Variants in ZNF254 observed in about 807,000 individuals in gnomAD.
ZNF254 encodes CTD-2017D11.1.
A neutral mutation model predicts 12.4 loss-of-function variants in ZNF254; 10 were observed. The observed-to-expected ratio is 0.80, with a 90% confidence interval of 0.50 to 1.36. The LOEUF (loss-of-function observed/expected upper bound fraction) is 1.36, where lower values mean the gene tolerates loss of function less well. Among genes scored for constraint, ZNF254 ranks in the 40% most tolerant of loss-of-function variants. The pLI is 0.00. For synonymous variants in ZNF254, 305 were observed against 253.4 expected (o/e 1.20, Z -1.93); for missense variants, 996 against 763.9 (o/e 1.30, Z -3.58).
chr19:24,120,703 C>T (rs1974418917), intron 3 of ZNF254, among the ~76,000 whole-genome samples: 2 of 151,934 alleles, frequency 1.3e-5, no homozygotes, highest in Middle Eastern at 3.2e-3. Flanking sequence ...TGCTCTGTCA[C>T]CCAGGCTGGA....
chr19:24,109,442 TA>T (rs1973530953), intron 3 of ZNF254, among the ~76,000 whole-genome samples: 1 of 152,186 alleles, frequency 6.6e-6, no homozygotes, highest in Non-Finnish European at 1.5e-5. Context: ...TCCAGTTCTA[TA>T]TTAGTGTGTT....
At chr19:24,095,726 T>A (rs950317419) in intron 1 of ZNF254, among the ~76,000 whole-genome samples, 2 of 152,154 alleles carry the variant, frequency 1.3e-5, no homozygotes, top group Admixed American at 6.5e-5. Context: ...TGGTAATGTC[T>A]CTTTTGTTAT....
At chr19:24,125,352 TG>T (rs1974761465) in intron 3 of ZNF254, among the ~76,000 whole-genome samples, 1 of 151,936 alleles carries the variant, frequency 6.6e-6, no homozygotes, top group African/African-American at 2.4e-5. Context: ...TAGTTGTTTC[TG>T]TTCCCATTTT....
At chr19:24,117,642 C>A (rs187579646) in intron 3 of ZNF254, among the ~76,000 whole-genome samples, 1 of 152,268 alleles carries the variant, frequency 6.6e-6, no homozygotes, top group African/African-American at 2.4e-5. Context: ...ACCCCTTGCA[C>A]TTCCTGAGTG....
In ZNF254 at chr19:24,055,232, A is replaced by AAAAAAAAAAAAAAAAAAAAAAAG. The variant is rs1555753129; in HGVS notation, c.-94+8953_-94+8954insAAAAAAAAAAAAAAAAAAAAAAG. 2.0e-4 allele frequency among the ~76,000 whole-genome samples: 25 copies of AAAAAAAAAAAAAAAAAAAAAAAG among 122,628 alleles called. 2 individuals are homozygous for AAAAAAAAAAAAAAAAAAAAAAAG. Among genetic ancestry groups the AAAAAAAAAAAAAAAAAAAAAAAG allele is most frequent in the Middle Eastern group, 5.6e-3 (1 of 178 alleles). 80.4% of individuals were successfully genotyped at this position (122,628 alleles called of 152,430 possible). A position where few individuals can be genotyped will look rare whatever the true frequency, so the allele number is the denominator to read the frequency against. On this transcript the variant is annotated intron_variant, in intron 2 of 4. Coordinates refer to the ZNF254 transcript ENST00000613065. ...AAAAAAAAAAAAAAAAAAAAAAAAA[A>AAAAAAAAAAAAAAAAAAAAAAAG]GAGTGTACTAACAAGACCCAGCACA... is the stretch of plus-strand genomic sequence containing the variant.
At chr19:24,103,063 A>T (rs537524982) in intron 1 of ZNF254, among the ~76,000 whole-genome samples, 1 of 152,202 alleles carries the variant, frequency 6.6e-6, no homozygotes, top group Non-Finnish European at 1.5e-5. Context: ...CTTAATAAAC[A>T]TTGCATTAAT....
chr19:24,113,978 G>A (rs1378646192), intron 3 of ZNF254, among the ~76,000 whole-genome samples: 4 of 152,078 alleles, frequency 2.6e-5, no homozygotes, highest in East Asian at 3.9e-4. Context: ...AAGGGATGTG[G>A]AGGACCTCTT....
intron 1 of ZNF254, among the ~76,000 whole-genome samples, chr19:24,100,024 A>G (rs1324617736): frequency 1.3e-5 from 2 of 152,202 alleles, no homozygotes; most frequent in Non-Finnish European, 1.5e-5. Context: ...TCTAAAGTGC[A>G]TGCTGTCACC....
At chr19:24,075,420 A>G (rs1420733766) in intron 2 of ZNF254, among the ~76,000 whole-genome samples, 1 of 152,194 alleles carries the variant, frequency 6.6e-6, no homozygotes, top group Admixed American at 6.5e-5. Context: ...TACAAAAGAA[A>G]TAAATTTTAC....
intron 2 of ZNF254, among the ~76,000 whole-genome samples, chr19:24,065,173 C>T (rs1046447806): frequency 1.3e-5 from 2 of 152,168 alleles, no homozygotes; most frequent in South Asian, 2.1e-4. Flanking sequence ...ATGAAACCCT[C>T]TACTTCTACC....
chr19:24,119,294 C>T (rs980065781), intron 3 of ZNF254, among the ~76,000 whole-genome samples: 17 of 151,838 alleles, frequency 1.1e-4, no homozygotes, highest in Admixed American at 3.3e-4. Flanking sequence ...TAGGTTCAAG[C>T]GATTCTCCTG....
intron 2 of ZNF254, among the ~76,000 whole-genome samples, chr19:24,059,623 A>G (rs1024514894): frequency 2.1e-4 from 9 of 42,818 alleles, no homozygotes; most frequent in Non-Finnish European, 3.4e-4. Flanking sequence ...AACCCTGCAT[A>G]CATTATGTAT....
At chr19:24,082,703 A>C (rs1180879578), upstream of ZNF254, among the ~76,000 whole-genome samples, 2 of 150,124 alleles carry the variant, frequency 1.3e-5, no homozygotes, top group Admixed American at 1.3e-4. Context: ...TCTCATTACA[A>C]AATGTATAAA....
chr19:24,058,491 A>G (rs1485702806), intron 2 of ZNF254, among the ~76,000 whole-genome samples: 3 of 150,416 alleles, frequency 2.0e-5, no homozygotes, highest in African/African-American at 7.3e-5. Flanking sequence ...GCTCAAGGCA[A>G]CCTCCGCCTC....
rs566886008 is a variant in ZNF254 at position 24,092,633 on chromosome 19, G to T, written c.30+5296G>T. Among the ~76,000 whole-genome samples, 17 of 151,964 alleles carry T rather than the reference G, an allele frequency of 1.1e-4. No homozygotes were observed. In the East Asian group the frequency reaches 2.1e-3, roughly 19 times the overall value. On this transcript the variant is annotated intron_variant, in intron 1 of 3. Coordinates refer to ENST00000357002, the MANE Select transcript of ZNF254 (RefSeq NM_203282.4). Reference sequence around the variant, plus strand: ...TGAGCTCAGGCAATCCACCTGCCTTGGCCTCTCAGAGTGCTGGGATTACAG... The same window carrying T: ...TGAGCTCAGGCAATCCACCTGCCTTTGCCTCTCAGAGTGCTGGGATTACAG...
chr19:24,087,101 G>A (rs1443033061), upstream of ZNF254: 6 of 558,202 alleles, frequency 1.1e-5, no homozygotes, highest in Non-Finnish European at 1.9e-5. Context: ...GGCCTTAAAC[G>A]TTATCCAACT....
intron 1 of ZNF254, among the ~76,000 whole-genome samples, chr19:24,045,457 C>T (rs867639620): frequency 2.0e-5 from 3 of 151,916 alleles, no homozygotes; most frequent in South Asian, 2.1e-4. Context: ...ATCACGAGGT[C>T]GGGAGATCGA....
At chr19:24,121,759 G>A (rs955752144) in intron 3 of ZNF254, among the ~76,000 whole-genome samples, 2 of 152,014 alleles carry the variant, frequency 1.3e-5, no homozygotes, top group Admixed American at 1.3e-4. Context: ...AGTTTACCAT[G>A]TTGGCCGGGC....
intron 3 of ZNF254, among the ~76,000 whole-genome samples, chr19:24,121,621 G>A (rs1333499547): frequency 2.0e-5 from 3 of 151,800 alleles, no homozygotes; most frequent in African/African-American, 4.8e-5. Context: ...GCAGTGGCAC[G>A]ATCTTGGCTC....
Sources: gnomAD v4.1 joint callset for allele counts (sites outside exome capture counted in the v4.1 genomes callset) on GRCh38, gnomAD v4.1.1 for gene constraint, MANE v1.5 for transcripts, NCBI Gene and HGNC (gene_info 2026-07-23, HGNC 2026-07-21) for gene names.